Variants in HS6ST3 observed in about 807,000 individuals in gnomAD.
The protein encoded by HS6ST3 is heparan sulfate 6-O-sulfotransferase 3.
In HS6ST3, 12 loss-of-function variants were observed where a neutral mutation model predicts 36.7. The observed-to-expected ratio is 0.33, with a 90% CI of 0.21 to 0.53. The LOEUF is 0.53. Among genes scored for constraint, HS6ST3 ranks in the 20% least tolerant of loss-of-function variants. The pLI is 0.95. For missense variants in HS6ST3, 584 were observed against 640.9 expected (o/e 0.91, Z 0.96); for synonymous variants, 240 against 257.5 (o/e 0.93, Z 0.65).
At position 96,091,395 on chromosome 13, in the gene HS6ST3, A is replaced by G. The variant is rs1376261301; in HGVS notation, c.533A>G (p.Lys178Arg). The change falls in exon 1 of 2, where the codon AAA becomes AGA. Residue 178 changes from lysine (K) to arginine (R), a missense_variant. Lys to Arg is a conservative substitution (Grantham distance 26). This residue lies in a region of HS6ST3 where 360 missense variants were observed against 411.3 expected (regional missense o/e 0.88). Coordinates refer to ENST00000376705, the MANE Select transcript of HS6ST3 (RefSeq NM_153456.4). ...NIRLEQPCSC[K>R]AGQKKCTCHR... ...CGGCTGGAGCAGCCTTGTAGCTGCA[A>G]AGCGGGTCAGAAGAAGTGCACCTGC... 1.2e-5 allele frequency: 19 copies of G among 1,613,658 alleles called. No homozygotes were observed. The highest frequency in any genetic ancestry group is 1.6e-5 in the Non-Finnish European group (19 of 1,179,932).
At chr13:96,311,135 C>A (rs182285254) in intron 1 of HS6ST3, among the ~76,000 whole-genome samples, 1 of 152,274 alleles carries the variant, frequency 6.6e-6, no homozygotes, top group Admixed American at 6.5e-5. Context: ...TAAAATACCA[C>A]CATGCTATGT....
intron 1 of HS6ST3, among the ~76,000 whole-genome samples, chr13:96,688,804 G>A (rs1363516577): frequency 1.3e-5 from 2 of 152,050 alleles, no homozygotes; most frequent in Non-Finnish European, 2.9e-5. Context: ...CATCCACCCA[G>A]TGTGGTTAGA....
chr13:96,640,344 G>A (rs2056566148), intron 1 of HS6ST3, among the ~76,000 whole-genome samples: 1 of 151,634 alleles, frequency 6.6e-6, no homozygotes, highest in African/African-American at 2.4e-5. Context: ...TTTCCTGTTT[G>A]TTGGCTGCTT....
intron 1 of HS6ST3, among the ~76,000 whole-genome samples, chr13:96,745,302 A>C (rs1876536143): frequency 6.6e-6 from 1 of 152,108 alleles, no homozygotes; most frequent in Admixed American, 6.6e-5. Context: ...TATTTCCCAA[A>C]CTATGGAGGA....
At chr13:96,169,031 G>GGCATGGTCAT (rs1178644953) in intron 1 of HS6ST3, among the ~76,000 whole-genome samples, 1 of 152,146 alleles carries the variant, frequency 6.6e-6, no homozygotes, top group African/African-American at 2.4e-5. Flanking sequence ...GGCTGAAACA[G>GGCATGGTCAT]GCATGGTCAT....
intron 1 of HS6ST3, among the ~76,000 whole-genome samples, chr13:96,373,778 G>C (rs960441395): frequency 6.6e-6 from 1 of 152,092 alleles, no homozygotes; most frequent in African/African-American, 2.4e-5. Context: ...AAGTGGCTGG[G>C]TTTTTCCCAA....
intron 1 of HS6ST3, among the ~76,000 whole-genome samples, chr13:96,627,069 T>C (rs1030245617): frequency 2.0e-5 from 3 of 152,104 alleles, no homozygotes; most frequent in Non-Finnish European, 4.4e-5. Flanking sequence ...TCTCATCCAA[T>C]GTTTTTAAAA....
chr13:96,671,952 G>A (rs1450919263), intron 1 of HS6ST3, among the ~76,000 whole-genome samples: 1 of 152,056 alleles, frequency 6.6e-6, no homozygotes, highest in African/African-American at 2.4e-5. Context: ...GGTTTTAAAA[G>A]TTAGAATATT....
intron 1 of HS6ST3, among the ~76,000 whole-genome samples, chr13:96,728,134 A>G (rs1438243137): frequency 6.6e-6 from 1 of 152,196 alleles, no homozygotes; most frequent in African/African-American, 2.4e-5. Flanking sequence ...TACTTGTTGG[A>G]TAAATAAGTA....
chr13:96,314,038 C>A (rs888492603), intron 1 of HS6ST3, among the ~76,000 whole-genome samples: 3 of 151,958 alleles, frequency 2.0e-5, no homozygotes, highest in Non-Finnish European at 4.4e-5. Flanking sequence ...CCATCTCTAC[C>A]AAAAATACAA....
intron 1 of HS6ST3, among the ~76,000 whole-genome samples, chr13:96,231,300 TG>T (rs1361890369): frequency 6.6e-6 from 1 of 152,106 alleles, no homozygotes; most frequent in Non-Finnish European, 1.5e-5. Context: ...AAGTCCCAAG[TG>T]ATGCTGATAC....
chr13:96,386,937 C>T (rs1235750729), intron 1 of HS6ST3, among the ~76,000 whole-genome samples: 1 of 151,842 alleles, frequency 6.6e-6, no homozygotes, highest in African/African-American at 2.4e-5. Flanking sequence ...TTCTCTCTCT[C>T]TTTTTTTTGG....
intron 1 of HS6ST3, among the ~76,000 whole-genome samples, chr13:96,222,089 A>C (rs923579819): frequency 2.4e-4 from 36 of 152,222 alleles, no homozygotes; most frequent in African/African-American, 8.2e-4. Context: ...GATTAGATAA[A>C]ATCAAAGATA....
intron 1 of HS6ST3, among the ~76,000 whole-genome samples, chr13:96,111,045 AT>A (rs2053866062): frequency 6.6e-6 from 1 of 152,210 alleles, no homozygotes; most frequent in South Asian, 2.1e-4. Flanking sequence ...TATTAAAAAT[AT>A]TAGAAGTACC....
At chr13:96,648,434 T>A (rs1435989527) in intron 1 of HS6ST3, among the ~76,000 whole-genome samples, 1 of 151,908 alleles carries the variant, frequency 6.6e-6, no homozygotes, top group Non-Finnish European at 1.5e-5. Flanking sequence ...TAATTTCATC[T>A]TGTCTCATGA....
At position 96,614,297 on chromosome 13, in the gene HS6ST3, C is replaced by CAAAAAAAAAAAA. The variant is rs67979751; in HGVS notation, c.708-218173_708-218162dup. Among the ~76,000 whole-genome samples the CAAAAAAAAAAAA allele has an allele frequency of 1.1e-3, 49 of 43,974 alleles. 2 individuals carry two copies. Among genetic ancestry groups the CAAAAAAAAAAAA allele is most frequent in the Non-Finnish European group, 1.5e-3 (39 of 26,536 alleles). The allele number at this position is 43,974 out of a possible 152,430, so 28.8% of individuals were successfully genotyped here. A position where few individuals can be genotyped will look rare whatever the true frequency, so the allele number is the denominator to read the frequency against. On this transcript the variant is annotated intron_variant, in intron 1 of 1. Transcript: ENST00000376705. ...TGGGCAACAGAGCAAGGATCCATCTCAAAAAAAAAAAAAAAAAAAAAAAAA... is the reference window on the plus strand; with the variant it reads ...TGGGCAACAGAGCAAGGATCCATCTCAAAAAAAAAAAAAAAAAAAAAAAAAAAAAAAAAAAAA...
chr13:96,775,535 G>A (rs75099493), intron 1 of HS6ST3, among the ~76,000 whole-genome samples: 2 of 151,500 alleles, frequency 1.3e-5, no homozygotes, highest in African/African-American at 4.9e-5. Flanking sequence ...AAAAGCAGGG[G>A]TTGCAATCCT....
intron 1 of HS6ST3, among the ~76,000 whole-genome samples, chr13:96,819,900 C>T (rs1457670513): frequency 1.3e-5 from 2 of 151,450 alleles, no homozygotes; most frequent in African/African-American, 4.9e-5. Context: ...CATGGTGAAA[C>T]CCCCATCTCT....
intron 1 of HS6ST3, among the ~76,000 whole-genome samples, chr13:96,349,575 A>C (rs1318459508): frequency 6.6e-6 from 1 of 152,208 alleles, no homozygotes; most frequent in Non-Finnish European, 1.5e-5. Flanking sequence ...TTCGCTTCTG[A>C]AAGTGTATTA....
Sources: allele counts gnomAD v4.1 joint callset (sites outside exome capture counted in the v4.1 genomes callset), GRCh38; gene constraint gnomAD v4.1.1; regional missense constraint gnomAD v4.1.1; transcripts MANE v1.5; gene names NCBI Gene and HGNC (gene_info 2026-07-23, HGNC 2026-07-21).